Variants in LARP4B observed in about 807,000 individuals in gnomAD.
LARP4B encodes the protein la-related protein 4B.
Under a neutral mutation model 89.8 loss-of-function variants are expected in LARP4B, and 12 were observed. That is an observed-to-expected ratio of 0.13 (90% CI 0.09 to 0.22). The LOEUF (loss-of-function observed/expected upper bound fraction) is 0.22, where lower values mean the gene tolerates loss of function less well. Among genes scored for constraint, LARP4B ranks in the 10% least tolerant of loss-of-function variants. The pLI, the probability that LARP4B is intolerant of heterozygous loss-of-function variation, is 1.00. For missense variants in LARP4B, 757 were observed against 947.7 expected, an observed-to-expected ratio of 0.80 and a Z score of 2.64; for synonymous variants, 367 against 363.3, an observed-to-expected ratio of 1.01 and a Z score of -0.12.
chr10:911,853 T>C (rs1323931045), intron 1 of LARP4B, among the ~76,000 whole-genome samples: 1 of 152,238 alleles, frequency 6.6e-6, no homozygotes, highest in Non-Finnish European at 1.5e-5. Context: ...GTGTGTGCAA[T>C]GGCGGACAAG....
intron 5 of LARP4B, among the ~76,000 whole-genome samples, chr10:858,085 T>G (rs1376241395): frequency 1.3e-5 from 2 of 152,210 alleles, no homozygotes; most frequent in African/African-American, 4.8e-5. Context: ...TTAAAAATTT[T>G]TTAAGCTTAA....
the LARP4B span, among the ~76,000 whole-genome samples, chr10:959,122 T>C: frequency 1.7e-4 from 26 of 152,060 alleles, no homozygotes; most frequent in African/African-American, 6.3e-4. Flanking sequence ...TGACAGTGGG[T>C]GCTGGCTGAG....
At chr10:848,953 T>C (rs1833909214) in intron 5 of LARP4B, among the ~76,000 whole-genome samples, 1 of 152,156 alleles carries the variant, frequency 6.6e-6, no homozygotes, top group African/African-American at 2.4e-5. Context: ...AAAACATATA[T>C]TGTCAGTTTA....
chr10:841,078 C>T (rs900468678), intron 7 of LARP4B, among the ~76,000 whole-genome samples: 2 of 152,176 alleles, frequency 1.3e-5, no homozygotes, highest in Non-Finnish European at 2.9e-5. Context: ...TGCTTCAACA[C>T]AGGAGGCAGA....
At chr10:878,946 G>T (rs1199364065) in intron 3 of LARP4B, among the ~76,000 whole-genome samples, 1 of 152,154 alleles carries the variant, frequency 6.6e-6, no homozygotes, top group Non-Finnish European at 1.5e-5. Context: ...ATTACAAAAT[G>T]TTCTAAGTTG....
chr10:813,734 T>C (rs1002192926), intron 17 of LARP4B, among the ~76,000 whole-genome samples: 3 of 152,108 alleles, frequency 2.0e-5, no homozygotes, highest in East Asian at 1.9e-4. Context: ...AAATGTGTAA[T>C]AGGGTTTTCA....
At chr10:949,569 G>C in the LARP4B span, among the ~76,000 whole-genome samples, 2 of 151,878 alleles carry the variant, frequency 1.3e-5, no homozygotes, top group Admixed American at 1.3e-4. Context: ...ACCAGCCCCG[G>C]GTGAGTGATC....
At chr10:934,375 G>A (rs1830721114), upstream of LARP4B, among the ~76,000 whole-genome samples, 1 of 152,056 alleles carries the variant, frequency 6.6e-6, no homozygotes, top group African/African-American at 2.4e-5. Context: ...GTGCATGGCT[G>A]TGGTTCCAGC....
At chr10:910,353 T>TTCC (rs1216969319) in intron 1 of LARP4B, among the ~76,000 whole-genome samples, 1 of 152,206 alleles carries the variant, frequency 6.6e-6, no homozygotes, top group African/African-American at 2.4e-5. Context: ...TTGCCTCAGC[T>TTCC]TCTTCCTTTT....
intron 1 of LARP4B, among the ~76,000 whole-genome samples, chr10:889,784 T>C (rs1835963343): frequency 6.6e-6 from 1 of 152,112 alleles, no homozygotes; most frequent in African/African-American, 2.4e-5. Context: ...ACCCCATCTC[T>C]ACTAAAAATT....
At chr10:960,601 G>A in the LARP4B span, among the ~76,000 whole-genome samples, 5 of 151,052 alleles carry the variant, frequency 3.3e-5, no homozygotes, top group South Asian at 2.1e-4. Context: ...TCAGCTACTC[G>A]GGAGGCTGAG....
intron 5 of LARP4B, among the ~76,000 whole-genome samples, chr10:855,771 A>G (rs889510070): frequency 1.3e-5 from 2 of 152,252 alleles, no homozygotes; most frequent in Admixed American, 6.5e-5. Context: ...CAAAACTTCA[A>G]TTTATAAAGA....
the LARP4B span, among the ~76,000 whole-genome samples, chr10:980,588 G>A: frequency 9.2e-5 from 14 of 152,166 alleles, no homozygotes; most frequent in Non-Finnish European, 1.8e-4. Context: ...CCAAAGTGGC[G>A]GTCCAAGCTA....
chr10:813,029 G>A lies in LARP4B; in HGVS notation c.2114C>T (p.Ala705Val). The change falls in exon 18 of 18, where the codon GCC (alanine) becomes GTC (valine). Residue 705 changes from alanine (A) to valine (V), a missense_variant. This residue lies in a region of LARP4B where 387 missense variants were observed against 423.6 expected (regional missense o/e 0.91). Coordinates refer to ENST00000316157, the MANE Select transcript of LARP4B (RefSeq NM_015155.3). ...EPPALKSTPG[A>V]PRDQRRPAGG... Reference sequence around the variant, plus strand: ...CGCCGGCCGCCTCTGGTCTCTGGGGGCTCCAGGTGTGGACTTGAGGGCTGG... The same window carrying A: ...CGCCGGCCGCCTCTGGTCTCTGGGGACTCCAGGTGTGGACTTGAGGGCTGG... The A allele has an allele frequency of 6.2e-7, 1 of 1,610,990 alleles. No individual in the cohort carries two copies. Among genetic ancestry groups the A allele is most frequent in the Non-Finnish European group, 8.5e-7 (1 of 1,179,416 alleles).
chr10:874,455 C>T (rs1320180979), intron 3 of LARP4B, among the ~76,000 whole-genome samples: 3 of 152,190 alleles, frequency 2.0e-5, no homozygotes, highest in Non-Finnish European at 2.9e-5. Context: ...GATGCAGGAA[C>T]GCACAGCCTG....
chr10:898,137 T>G (rs900162399), intron 1 of LARP4B, among the ~76,000 whole-genome samples: 1 of 151,998 alleles, frequency 6.6e-6, no homozygotes, highest in Non-Finnish European at 1.5e-5. Context: ...AAATACCACT[T>G]TGAAATGAAA....
chr10:894,638 T>G (rs1196723534), intron 1 of LARP4B, among the ~76,000 whole-genome samples: 2 of 152,212 alleles, frequency 1.3e-5, no homozygotes, highest in African/African-American at 4.8e-5. Flanking sequence ...ACTATTAATT[T>G]TATTGAGTTC....
chr10:970,983 G>A, the LARP4B span, among the ~76,000 whole-genome samples: 3 of 152,214 alleles, frequency 2.0e-5, no homozygotes, highest in Non-Finnish European at 4.4e-5. Flanking sequence ...GACATCATCA[G>A]TGTTTGCAAA....
intron 7 of LARP4B, among the ~76,000 whole-genome samples, chr10:842,010 G>A (rs1281061260): frequency 5.3e-5 from 8 of 151,652 alleles, no homozygotes; most frequent in Non-Finnish European, 8.8e-5. Context: ...ACTGTCGTCA[G>A]TACAGATAAG....
Sources: gnomAD v4.1 joint callset for allele counts (sites outside exome capture counted in the v4.1 genomes callset) on GRCh38, gnomAD v4.1.1 for gene constraint, gnomAD v4.1.1 regional missense constraint, MANE v1.5 for transcripts, NCBI Gene and HGNC (gene_info 2026-07-23, HGNC 2026-07-21) for gene names.